INTS8: variants seen among roughly 807,000 people sequenced by gnomAD.
INTS8 encodes protein kaonashi-1.
In INTS8, 47 loss-of-function variants were observed where a neutral mutation model predicts 138.9. The ratio of observed to expected loss-of-function variants is 0.34; its 90% CI spans 0.27 to 0.43. INTS8 has a LOEUF of 0.43. Among genes scored for constraint, INTS8 ranks in the 20% least tolerant of loss-of-function variants. The pLI, the probability that INTS8 is intolerant of heterozygous loss-of-function variation, is 1.00. For synonymous variants in INTS8, 392 were observed against 400.9 expected (o/e 0.98, Z 0.27); for missense variants, 996 against 1,173.0 (o/e 0.85, Z 2.20).
intron 20 of INTS8, among the ~76,000 whole-genome samples, chr8:94,871,245 T>C (rs1028096902): frequency 1.2e-4 from 18 of 151,724 alleles, no homozygotes; most frequent in Admixed American, 6.6e-4. Flanking sequence ...GATGGGCAGA[T>C]TGGCTGAGGC....
At chr8:94,846,588 C>G (rs1815341892) in intron 10 of INTS8, among the ~76,000 whole-genome samples, 1 of 152,098 alleles carries the variant, frequency 6.6e-6, no homozygotes, top group African/African-American at 2.4e-5. Context: ...TTTACTTATT[C>G]TTAATGTGCT....
chr8:94,825,817 A>G (rs1814478560), intron 2 of INTS8, among the ~76,000 whole-genome samples: 1 of 142,970 alleles, frequency 7.0e-6, no homozygotes, highest in Admixed American at 7.3e-5. Context: ...ATAGGAAATA[A>G]TTGGGGAGGA....
intron 8 of INTS8, among the ~76,000 whole-genome samples, 169 bp downstream of exon 8, chr8:94,838,787 G>C (rs890044015): frequency 2.0e-5 from 3 of 152,200 alleles, no homozygotes; most frequent in African/African-American, 7.2e-5. Context: ...AGATTCTTAT[G>C]AGAATCTAGT....
intron 6 of INTS8, among the ~76,000 whole-genome samples, chr8:94,833,139 A>G (rs1309823114): frequency 6.6e-6 from 1 of 151,888 alleles, no homozygotes; most frequent in Non-Finnish European, 1.5e-5. Context: ...CTAAGATTGT[A>G]CCTTCTAAAC....
chr8:94,861,383 TC>T (rs1815974451), intron 16 of INTS8, among the ~76,000 whole-genome samples: 1 of 135,812 alleles, frequency 7.4e-6, no homozygotes, highest in South Asian at 2.7e-4. Flanking sequence ...TGCCTCAGCC[TC>T]CCGAGTAGCT....
rs1176603517 is a variant in INTS8, at chr8:94,836,912, G to C, written c.861+281G>C. Among the ~76,000 whole-genome samples, 3 of 151,914 alleles carry C rather than the reference G, an allele frequency of 2.0e-5. No homozygotes were observed. In the East Asian group the frequency reaches 5.8e-4, roughly 29 times the overall value. On this transcript the variant is annotated intron_variant, in intron 7 of 26. Transcript: ENST00000523731. ...TGTATCTTGCTTAAATCTTTGACTAGGCATTATAAATGTATCATATTATGT... is the reference window on the plus strand; with the variant it reads ...TGTATCTTGCTTAAATCTTTGACTACGCATTATAAATGTATCATATTATGT...
At chr8:94,849,018 T>G (rs1815433098) in intron 10 of INTS8, among the ~76,000 whole-genome samples, 1 of 152,158 alleles carries the variant, frequency 6.6e-6, no homozygotes, top group South Asian at 2.1e-4. Context: ...TAACTATTCA[T>G]GAATAGCTCA....
At chr8:94,838,671 G>C in intron 8 of INTS8, 53 bp downstream of exon 8, 1 of 1,472,326 alleles carries the variant, frequency 6.8e-7, no homozygotes, top group Non-Finnish European at 9.4e-7. Context: ...ACAAAACTAA[G>C]TTCAAATCCT....
intron 16 of INTS8, among the ~76,000 whole-genome samples, chr8:94,862,585 C>G (rs1328697498): frequency 6.6e-6 from 1 of 152,202 alleles, no homozygotes; most frequent in African/African-American, 2.4e-5. Context: ...GAGGCTGTCT[C>G]ACTGCTTCCT....
Position 94,851,620 on chromosome 8 carries a change from T to G in INTS8, c.1575T>G (p.Ile525Met), listed in dbSNP as rs1479283629. Reference sequence around the variant, plus strand: ...TATTGTCAGTGGATCCTTGGAGGATTAGACAAATTTTAATTGAATTACATG... The same window carrying G: ...TATTGTCAGTGGATCCTTGGAGGATGAGACAAATTTTAATTGAATTACATG... ...QLILSVDPWRIRQILIELHGM... is the reference protein window; with the variant it reads ...QLILSVDPWRMRQILIELHGM... The change falls in exon 13 of 27, where the codon ATT (isoleucine) becomes ATG (methionine). Residue 525 changes from isoleucine (I) to methionine (M), a missense_variant. Coordinates refer to ENST00000523731, the MANE Select transcript of INTS8 (RefSeq NM_017864.4). 3 of 1,603,512 alleles carry G rather than the reference T, an allele frequency of 1.9e-6. No homozygotes were observed. Among genetic ancestry groups the G allele is most frequent in the Non-Finnish European group, 2.6e-6 (3 of 1,175,948 alleles).
At chr8:94,847,521 AT>A (rs549723178) in intron 10 of INTS8, among the ~76,000 whole-genome samples, 1 of 151,990 alleles carries the variant, frequency 6.6e-6, no homozygotes, top group African/African-American at 2.4e-5. Flanking sequence ...GGCCTGGGTA[AT>A]TTTTTTGTGG....
intron 21 of INTS8, 69 bp from the exon 22 acceptor site, chr8:94,873,305 C>G (rs555869629): frequency 9.8e-7 from 1 of 1,016,032 alleles, no homozygotes; most frequent in Non-Finnish European, 1.6e-6. Context: ...TTACACCTGA[C>G]TCTTTACAAA....
chr8:94,850,763 C>T (rs1815512086), intron 12 of INTS8, among the ~76,000 whole-genome samples: 1 of 152,060 alleles, frequency 6.6e-6, no homozygotes, highest in Admixed American at 6.6e-5. Flanking sequence ...GCATGTCAGT[C>T]TATATCACTG....
At chr8:94,827,029 C>T (rs376543117) in intron 2 of INTS8, among the ~76,000 whole-genome samples, 33 of 152,088 alleles carry the variant, frequency 2.2e-4, no homozygotes, top group African/African-American at 6.5e-4. Flanking sequence ...GGCATGAACC[C>T]GGGAGGCGGA....
chr8:94,871,350 C>T (rs2053990), intron 20 of INTS8, among the ~76,000 whole-genome samples: 59 of 151,238 alleles, frequency 3.9e-4, no homozygotes, highest in Non-Finnish European at 7.2e-4. Context: ...TGGTGGTGAG[C>T]GCCTGTAATC....
chr8:94,834,164 C>T (rs1273251468), intron 6 of INTS8, among the ~76,000 whole-genome samples: 2 of 152,140 alleles, frequency 1.3e-5, no homozygotes, highest in Non-Finnish European at 2.9e-5. Flanking sequence ...CCTTAATGCC[C>T]TTCAGGGCAG....
intron 2 of INTS8, among the ~76,000 whole-genome samples, chr8:94,826,625 A>C (rs76385021): frequency 0.034 from 5,116 of 152,286 alleles, 90 homozygotes; most frequent in Non-Finnish European, 0.04. Flanking sequence ...GATTATGTTA[A>C]GAGTTAATTT....
intron 14 of INTS8, among the ~76,000 whole-genome samples, chr8:94,854,886 C>T (rs886481854): frequency 6.6e-6 from 1 of 151,478 alleles, no homozygotes; most frequent in African/African-American, 2.4e-5. Flanking sequence ...CATGTGCCAC[C>T]ATGCCCAGCT....
chr8:94,831,956 A>T, intron 5 of INTS8, 36 bp from the exon 6 acceptor site: 1 of 1,523,548 alleles, frequency 6.6e-7, no homozygotes, highest in Non-Finnish European at 8.9e-7. Context: ...ATCAGTTGCT[A>T]TTTTTGTATT....
Sources: allele counts gnomAD v4.1 joint callset (sites outside exome capture counted in the v4.1 genomes callset), GRCh38; gene constraint gnomAD v4.1.1; transcripts MANE v1.5; gene names NCBI Gene and HGNC (gene_info 2026-07-23, HGNC 2026-07-21).